Variants in NBAS observed in about 807,000 individuals in gnomAD.
NBAS encodes NAG/BC035112 fusion.
Under a neutral mutation model 302.5 loss-of-function variants are expected in NBAS, and 219 were observed. The ratio of observed to expected loss-of-function variants is 0.72; its 90% CI spans 0.65 to 0.81. The LOEUF (loss-of-function observed/expected upper bound fraction) is 0.81, where lower values mean the gene tolerates loss of function less well. NBAS is among the 30% of genes least tolerant of loss of function. The pLI is 0.00. For synonymous variants in NBAS, 1,118 were observed against 1,021.6 expected (o/e 1.09, Z -1.80); for missense variants, 2,932 against 2,841.6 (o/e 1.03, Z -0.72).
chr2:14,856,075 G>C, the NBAS span, among the ~76,000 whole-genome samples: 1 of 152,206 alleles, frequency 6.6e-6, no homozygotes, highest in Non-Finnish European at 1.5e-5. Flanking sequence ...AGAGCAGAGA[G>C]AGAGAGAAAG....
At chr2:14,889,776 T>C in the NBAS span, among the ~76,000 whole-genome samples, 3 of 152,120 alleles carry the variant, frequency 2.0e-5, no homozygotes, top group African/African-American at 7.2e-5. Context: ...CTCTATAAAA[T>C]GGAGAGGATG....
chr2:15,207,408 A>G (rs1054450832), intron 48 of NBAS, among the ~76,000 whole-genome samples: 1 of 152,214 alleles, frequency 6.6e-6, no homozygotes, highest in Non-Finnish European at 1.5e-5. Context: ...CTCAGTCTCA[A>G]TGAGACTCTG....
At chr2:14,956,939 T>C in the NBAS span, among the ~76,000 whole-genome samples, 1 of 152,182 alleles carries the variant, frequency 6.6e-6, no homozygotes, top group Non-Finnish European at 1.5e-5. Flanking sequence ...TATTTGCAGA[T>C]AGGATCTTTA....
At chr2:14,963,116 A>T in the NBAS span, among the ~76,000 whole-genome samples, 4 of 151,992 alleles carry the variant, frequency 2.6e-5, no homozygotes, top group Non-Finnish European at 5.9e-5. Context: ...TAAAAATATA[A>T]AAGTAGCCTG....
chr2:15,340,298 T>C (rs1672784738), intron 35 of NBAS, among the ~76,000 whole-genome samples: 1 of 152,118 alleles, frequency 6.6e-6, no homozygotes, highest in South Asian at 2.1e-4. Context: ...CTGAGTCCAC[T>C]GTGAAAGGTG....
In NBAS at chr2:15,507,971, C is replaced by T. The variant is rs142517910; in HGVS notation, c.885+3241G>A. Among the ~76,000 whole-genome samples, 10 of 136,756 alleles carry T rather than the reference C, an allele frequency of 7.3e-5. 1 individual carries two copies. The South Asian group carries it at 1.7e-3, about 23-fold the overall frequency. 89.7% of individuals were successfully genotyped at this position (136,756 alleles called of 152,430 possible). A position where few individuals can be genotyped will look rare whatever the true frequency, so the allele number is the denominator to read the frequency against. On this transcript the variant is annotated intron_variant, in intron 10 of 51. Transcript: ENST00000281513. ...CAGCATTTTTCAGTCAATACCTACA[C>T]CAAGACAACAGCAACCTTAAACAAA...
chr2:15,509,103 T>G (rs1572946737), intron 10 of NBAS, among the ~76,000 whole-genome samples: 1 of 152,184 alleles, frequency 6.6e-6, no homozygotes, highest in Non-Finnish European at 1.5e-5. Flanking sequence ...CCTACAGATA[T>G]GAACTAATGT....
At chr2:14,795,884 A>G in the NBAS span, among the ~76,000 whole-genome samples, 5,464 of 152,246 alleles carry the variant, frequency 0.036, 313 homozygotes, top group African/African-American at 0.12. Flanking sequence ...ATTGCCCCTG[A>G]TATTGAACCA....
At chr2:15,139,007 AT>A in the NBAS span, among the ~76,000 whole-genome samples, 1 of 151,994 alleles carries the variant, frequency 6.6e-6, no homozygotes, top group Admixed American at 6.6e-5. Flanking sequence ...TTTTCTGCTG[AT>A]TTTTTGTTTG....
chr2:15,405,453 T>G (rs2148437792), intron 25 of NBAS, among the ~76,000 whole-genome samples: 1 of 152,298 alleles, frequency 6.6e-6, no homozygotes, highest in South Asian at 2.1e-4. Context: ...TTTTTCATTA[T>G]TCCTTCCCTA....
At chr2:15,212,017 G>A (rs1666435181) in intron 48 of NBAS, among the ~76,000 whole-genome samples, 2 of 152,208 alleles carry the variant, frequency 1.3e-5, no homozygotes, top group South Asian at 4.1e-4. Flanking sequence ...GTGCTAATAA[G>A]TTCAGCAGCA....
chr2:14,792,319 T>C, the NBAS span, among the ~76,000 whole-genome samples: 2 of 152,166 alleles, frequency 1.3e-5, no homozygotes, highest in Admixed American at 6.5e-5. Context: ...CCAAACACCA[T>C]AGCCTAGCCT....
chr2:15,388,862 C>T (rs1180791331), intron 28 of NBAS, among the ~76,000 whole-genome samples: 2 of 151,594 alleles, frequency 1.3e-5, no homozygotes, highest in South Asian at 2.1e-4. Context: ...AACATAACGT[C>T]GAGAGAAAGA....
At chr2:14,795,494 A>T in the NBAS span, among the ~76,000 whole-genome samples, 1 of 145,456 alleles carries the variant, frequency 6.9e-6, no homozygotes, top group South Asian at 2.1e-4. Context: ...TATATTCTGG[A>T]TACAAGCCCT....
At chr2:14,912,718 A>ATTTT in the NBAS span, among the ~76,000 whole-genome samples, 680 of 73,906 alleles carry the variant, frequency 9.2e-3, 8 homozygotes, top group African/African-American at 0.04. Context: ...AAAAAAAAAA[A>ATTTT]AAAAAAAAAA....
the NBAS span, among the ~76,000 whole-genome samples, chr2:15,029,920 G>A: frequency 3.9e-5 from 6 of 152,200 alleles, no homozygotes; most frequent in Non-Finnish European, 4.4e-5. Context: ...ACAGACTCTC[G>A]AATCTAATAT....
chr2:15,500,504 A>T (rs944797946), intron 11 of NBAS, among the ~76,000 whole-genome samples: 7 of 104,796 alleles, frequency 6.7e-5, no homozygotes, highest in East Asian at 2.5e-4. Context: ...TAGAAGTCTC[A>T]CACACACACA....
chr2:15,452,753 T>C (rs1342049136), intron 21 of NBAS, among the ~76,000 whole-genome samples: 2 of 152,174 alleles, frequency 1.3e-5, no homozygotes, highest in Non-Finnish European at 2.9e-5. Context: ...ATCTCCATGT[T>C]TACAGTCTGA....
At chr2:15,403,117 C>T (rs1477894581) in intron 25 of NBAS, among the ~76,000 whole-genome samples, 2 of 151,372 alleles carry the variant, frequency 1.3e-5, no homozygotes, top group Admixed American at 6.6e-5. Context: ...CTCTTTTGAA[C>T]AATAAAATAA....
Sources: gnomAD v4.1 joint callset for allele counts (sites outside exome capture counted in the v4.1 genomes callset) on GRCh38, gnomAD v4.1.1 for gene constraint, MANE v1.5 for transcripts, NCBI Gene and HGNC (gene_info 2026-07-23, HGNC 2026-07-21) for gene names.